Variants in TGM2 observed in about 807,000 individuals in gnomAD.
The protein encoded by TGM2 is protein-glutamine gamma-glutamyltransferase 2.
TGM2 carries 53 observed loss-of-function variants against 75.6 expected under a neutral mutation model. The observed-to-expected ratio is 0.70, with a 90% confidence interval of 0.56 to 0.88. The LOEUF is 0.88. TGM2 is among the 40% of genes least tolerant of loss of function. TGM2 has a pLI of 0.00. For synonymous variants in TGM2, 374 were observed against 381.1 expected, an observed-to-expected ratio of 0.98 and a Z score of 0.22; for missense variants, 842 against 928.5, an observed-to-expected ratio of 0.91 and a Z score of 1.21.
rs45596832 is a variant in TGM2, at chr20:38,165,047, A to G, written c.10+142T>C. Reference sequence around the variant, plus strand: ...TGTGGATGGGGAAACTGAGGCTCCAAGCAGCATTGAGACGCCTCCTCACCC... The same window carrying G: ...TGTGGATGGGGAAACTGAGGCTCCAGGCAGCATTGAGACGCCTCCTCACCC... On this transcript the variant is annotated intron_variant, in intron 1 of 12. Transcript: ENST00000361475. 1.6e-5 allele frequency: 19 copies of G among 1,210,346 alleles called. No homozygotes were observed. The African/African-American group carries it at 2.7e-4, about 17-fold the overall frequency. The allele number at this position is 1,210,346 out of a possible 1,614,324, so 75.0% of individuals were successfully genotyped here. A position where few individuals can be genotyped will look rare whatever the true frequency, so the allele number is the denominator to read the frequency against.
chr20:38,153,528 A>AAAAAAAAAAAAAAG (rs56670550), intron 3 of TGM2, among the ~76,000 whole-genome samples: 1 of 125,268 alleles, frequency 8.0e-6, no homozygotes, highest in African/African-American at 3.4e-5. Flanking sequence ...TGGTCTCAAA[A>AAAAAAAAAAAAAAG]AAAAGAAAAA....
intron 8 of TGM2, 55 bp downstream of exon 8, chr20:38,141,227 C>G: frequency 6.9e-7 from 1 of 1,451,102 alleles, no homozygotes; most frequent in Non-Finnish European, 9.4e-7. Context: ...GTCACTTTAA[C>G]TCTCCAAGCC....
intron 9 of TGM2, 116 bp from the exon 10 acceptor site, chr20:38,138,501 G>C: frequency 6.3e-7 from 1 of 1,579,874 alleles, no homozygotes; most frequent in Non-Finnish European, 8.6e-7. Flanking sequence ...CCATGAAGGA[G>C]CCCCTTCTCT....
At chr20:38,144,298 A>G (rs2075016054) in intron 6 of TGM2, among the ~76,000 whole-genome samples, 2 of 152,196 alleles carry the variant, frequency 1.3e-5, no homozygotes, top group Non-Finnish European at 2.9e-5. Context: ...TCAGTAAGAC[A>G]AGCTAATAAT....
In TGM2 at chr20:38,156,190, G is replaced by T. The variant is rs933194704; in HGVS notation, c.191-101C>A. The T allele has an allele frequency of 3.7e-5, 51 of 1,396,488 alleles. No individual in the cohort carries two copies. The South Asian group carries it at 6.6e-4, about 18-fold the overall frequency. 86.5% of individuals were successfully genotyped at this position (1,396,488 alleles called of 1,614,324 possible). A position where few individuals can be genotyped will look rare whatever the true frequency, so the allele number is the denominator to read the frequency against. ...CAGCTTGGGCTCCAGGCCTAGTTCT[G>T]CCACTAACCACTGAAATAAGTTTGG... On this transcript the variant is annotated intron_variant, in intron 2 of 12. Transcript: ENST00000361475.
intron 10 of TGM2, among the ~76,000 whole-genome samples, chr20:38,135,957 A>G (rs1270048957): frequency 6.6e-6 from 1 of 152,158 alleles, no homozygotes; most frequent in Non-Finnish European, 1.5e-5. Context: ...AGCATGACCT[A>G]AGACTCAGAG....
chr20:38,143,432 C>T (rs1441853005), intron 6 of TGM2, among the ~76,000 whole-genome samples: 4 of 152,208 alleles, frequency 2.6e-5, no homozygotes, highest in African/African-American at 9.6e-5. Flanking sequence ...TCAGGGTCCT[C>T]AGACTTGTCC....
At chr20:38,141,212 G>T in intron 8 of TGM2, 70 bp downstream of exon 8, 1 of 1,332,822 alleles carries the variant, frequency 7.5e-7, no homozygotes, top group Non-Finnish European at 1.0e-6. Flanking sequence ...CCGCCCTCCA[G>T]CTGAGTCACT....
Position 38,148,073 on chromosome 20 carries a change from A to G in TGM2, c.569T>C (p.Leu190Pro). ...ATCTAGAAGGATCAGGCAGATGTCT[A>G]GGATCCCATCTTCAAACTGTGTCAG... The part of the protein sequence containing the change: ...WNFGQFEDGI[L>P]DICLILLDVN... Residue 190 changes from leucine to proline, a missense_variant, in exon 5 of 13, where the codon CTA (leucine) becomes CCA (proline). Leu to Pro is a moderately conservative substitution (Grantham distance 98, BLOSUM62 -3). Transcript: ENST00000361475. 2 of 1,614,184 alleles carry G rather than the reference A, an allele frequency of 1.2e-6. No homozygotes were observed. Among genetic ancestry groups the G allele is most frequent in the South Asian group, 2.2e-5 (2 of 91,080 alleles).
At chr20:38,163,347 G>A (rs936273052) in intron 1 of TGM2, among the ~76,000 whole-genome samples, 4 of 152,246 alleles carry the variant, frequency 2.6e-5, no homozygotes, top group Non-Finnish European at 5.9e-5. Flanking sequence ...GGTCCTTGCA[G>A]TGGGAGAGCC....
At chr20:38,165,924 C>T (rs144704712), upstream of TGM2, among the ~76,000 whole-genome samples, 5 of 152,032 alleles carry the variant, frequency 3.3e-5, no homozygotes, top group African/African-American at 7.3e-5. Context: ...TAGCCTTGAC[C>T]GCGAGCCACA....
intron 1 of TGM2, among the ~76,000 whole-genome samples, chr20:38,161,901 G>A (rs552828241): frequency 3.9e-5 from 6 of 152,202 alleles, no homozygotes; most frequent in South Asian, 4.1e-4. Context: ...TCAAGGGATC[G>A]TCCCACCCCA....
chr20:38,155,731 A>G, intron 3 of TGM2, 116 bp downstream of exon 3: 1 of 1,439,284 alleles, frequency 6.9e-7, no homozygotes, highest in Non-Finnish European at 9.2e-7. Flanking sequence ...GGCCTCACTC[A>G]GTCCACTTTG....
At chr20:38,156,167 G>A in intron 2 of TGM2, 78 bp from the exon 3 acceptor site, 1 of 1,542,566 alleles carries the variant, frequency 6.5e-7, no homozygotes, top group Non-Finnish European at 8.8e-7. Context: ...GGGTCCCCCA[G>A]CTTGGGCTCC....
rs755256059 is a variant in TGM2 at position 38,156,008 on chromosome 20, G to T, written c.272C>A (p.Thr91Asn). 6.2e-7 allele frequency: 1 copy of T among 1,613,728 alleles called. No individual in the cohort carries two copies. Among genetic ancestry groups the T allele is most frequent in the African/African-American group, 1.3e-5 (1 of 74,950 alleles). Residue 91 changes from threonine (T) to asparagine (N), a missense_variant, in exon 3 of 13, where the codon ACC becomes AAC. By Grantham distance (65) the Thr-to-Asn change is moderately conservative. Coordinates refer to ENST00000361475, the MANE Select transcript of TGM2 (RefSeq NM_004613.4). ...GGTGCAGTCTTGCTGGTCCACCACG[G>T]TGGCTGTCCAGTCACCCTCCTCCAC... Reference protein sequence around the residue: ...DAVEEGDWTATVVDQQDCTLS... With the variant: ...DAVEEGDWTANVVDQQDCTLS...
At chr20:38,132,616 G>T in intron 10 of TGM2, 116 bp from the exon 11 acceptor site, 1 of 1,393,662 alleles carries the variant, frequency 7.2e-7, no homozygotes, top group Non-Finnish European at 1.0e-6. Flanking sequence ...CACAGCGGGG[G>T]AATGGCTGGG....
intron 1 of TGM2, among the ~76,000 whole-genome samples, chr20:38,164,494 G>T: frequency 6.6e-6 from 1 of 152,282 alleles, no homozygotes; most frequent in Middle Eastern, 3.4e-3. Context: ...CACTCCTCTC[G>T]TTCCTCACAG....
chr20:38,139,570 G>T lies in TGM2; in HGVS notation c.1184C>A (p.Ala395Glu), dbSNP rs138957593. 1 of 1,614,156 alleles carries T rather than the reference G, an allele frequency of 6.2e-7. No individual in the cohort carries two copies. Among genetic ancestry groups the T allele is most frequent in the Non-Finnish European group, 8.5e-7 (1 of 1,180,028 alleles). The part of the protein sequence containing the change: ...STKYDAPFVF[A>E]EVNADVVDWI... The stretch of plus-strand genomic sequence containing the variant: ...GTCTACCACGTCGGCATTGACCTCC[G>T]CAAAGACAAAGGGCGCATCGTACTT... Residue 395 changes from alanine (A) to glutamate (E), a missense_variant, in exon 9 of 13, where the codon GCG (alanine) becomes GAG (glutamate). Physicochemically the swap from Ala to Glu is moderately radical, Grantham distance 107. Transcript: ENST00000361475.
intron 3 of TGM2, among the ~76,000 whole-genome samples, chr20:38,152,804 G>T (rs1002482794): frequency 2.6e-5 from 4 of 152,232 alleles, no homozygotes; most frequent in African/African-American, 9.6e-5. Context: ...CGGGATGTGG[G>T]TCACTTTAGT....
Sources: gnomAD v4.1 joint callset for allele counts (sites outside exome capture counted in the v4.1 genomes callset) on GRCh38, gnomAD v4.1.1 for gene constraint, MANE v1.5 for transcripts, NCBI Gene and HGNC (gene_info 2026-07-23, HGNC 2026-07-21) for gene names.